The following LGSN variants were observed in gnomAD, a reference collection of about 807,000 sequenced individuals.
LGSN encodes the protein lengsin, lens protein with glutamine synthetase domain, also known as lengsin.
LGSN carries 21 observed loss-of-function variants against 19.5 expected under a neutral mutation model. That is an observed-to-expected ratio of 1.07 (90% CI 0.76 to 1.55). The LOEUF (loss-of-function observed/expected upper bound fraction) is 1.55. Among genes scored for constraint, LGSN ranks in the 40% most tolerant of loss-of-function variants. The probability of loss-of-function intolerance (pLI) is 0.00; values close to 1 mark genes in which losing one functional copy is unlikely to be tolerated. For missense variants in LGSN, 673 were observed against 608.5 expected (o/e 1.11, Z -1.12); for synonymous variants, 257 against 215.6 (o/e 1.19, Z -1.68).
At chr6:63,413,726 T>C in the LGSN span, among the ~76,000 whole-genome samples, 54 of 152,324 alleles carry the variant, frequency 3.5e-4, no homozygotes, top group African/African-American at 1.2e-3. Flanking sequence ...TTACTTCATA[T>C]AAAGGTAAAA....
At chr6:63,555,320 C>A in the LGSN span, among the ~76,000 whole-genome samples, 2 of 151,948 alleles carry the variant, frequency 1.3e-5, no homozygotes, top group Non-Finnish European at 2.9e-5. Flanking sequence ...CGGAGAGTTC[C>A]CTGGAAATTA....
the LGSN span, among the ~76,000 whole-genome samples, chr6:63,339,520 A>G: frequency 6.6e-6 from 1 of 152,150 alleles, no homozygotes; most frequent in Non-Finnish European, 1.5e-5. Flanking sequence ...TTCCATTTGC[A>G]TGGAATATTC....
the LGSN span, among the ~76,000 whole-genome samples, chr6:63,352,531 C>CA: frequency 6.6e-6 from 1 of 151,986 alleles, no homozygotes; most frequent in African/African-American, 2.4e-5. Flanking sequence ...TGTGGTGGTA[C>CA]ATGCCTGTGG....
rs1767216676 is a variant in LGSN, at chr6:63,279,797, A to G, written c.*224T>C. The G allele has an allele frequency of 7.1e-6, 3 of 422,048 alleles. No homozygotes were observed. The highest frequency in any genetic ancestry group is 3.5e-5 in the South Asian group (1 of 28,860). 26.1% of individuals were successfully genotyped at this position (422,048 alleles called of 1,614,324 possible). A position where few individuals can be genotyped will look rare whatever the true frequency, so the allele number is the denominator to read the frequency against. Reference sequence around the variant, plus strand: ...GACTGACAAGATCTGGTAAGTTTGCATATTATAGCTTCACCACAACTTTGT... The same window carrying G: ...GACTGACAAGATCTGGTAAGTTTGCGTATTATAGCTTCACCACAACTTTGT... On this transcript the variant is annotated 3_prime_UTR_variant, in exon 4 of 4. Transcript: ENST00000370657.
rs147867045 is a variant in LGSN, at chr6:63,294,933, G to A, written c.143C>T (p.Thr48Met). 9.5e-5 allele frequency: 154 copies of A among 1,613,782 alleles called. No individual in the cohort carries two copies. In the African/African-American group the frequency reaches 1.1e-3, roughly 11 times the overall value. ...PYVCSTEVGE[T>M]DMSNSNDCMR... ...GATACCATTTGAATTGGACATATCC[G>A]TTTCTCCCACTTCAGTTGAACAAAC... is the stretch of plus-strand genomic sequence containing the variant. Residue 48 changes from threonine to methionine, a missense_variant, in exon 2 of 4, where the codon ACG (threonine) becomes ATG (methionine). Physicochemically the swap from Thr to Met is moderately conservative, Grantham distance 81 (BLOSUM62 -1). Coordinates refer to ENST00000370657, the MANE Select transcript of LGSN (RefSeq NM_016571.3).
At chr6:63,450,800 G>A in the LGSN span, among the ~76,000 whole-genome samples, 1 of 151,792 alleles carries the variant, frequency 6.6e-6, no homozygotes, top group South Asian at 2.1e-4. Flanking sequence ...AGCCACCTGA[G>A]TAGCTGGGAC....
the LGSN span, among the ~76,000 whole-genome samples, chr6:63,412,567 AAAGG>A: frequency 8.6e-4 from 105 of 121,572 alleles, 1 homozygote; most frequent in South Asian, 3.8e-3. Flanking sequence ...AGAAAGAAAG[AAAGG>A]AAGGAAGGAA....
chr6:63,337,410 G>A, the LGSN span, among the ~76,000 whole-genome samples: 1 of 151,930 alleles, frequency 6.6e-6, no homozygotes, highest in Non-Finnish European at 1.5e-5. Context: ...TTGCGAGGTA[G>A]AGGTTACAGT....
At chr6:63,358,229 AC>A in the LGSN span, among the ~76,000 whole-genome samples, 1 of 152,226 alleles carries the variant, frequency 6.6e-6, no homozygotes, top group African/African-American at 2.4e-5. Context: ...TGTTTTGGTT[AC>A]TGTAGCCTTG....
the LGSN span, among the ~76,000 whole-genome samples, chr6:63,333,007 C>T: frequency 6.6e-6 from 1 of 151,976 alleles, no homozygotes; most frequent in Non-Finnish European, 1.5e-5. Context: ...AGTGAAGCTT[C>T]AGACCTTCAC....
Position 63,285,702 on chromosome 6 carries a change from C to A in LGSN, c.215G>T (p.Arg72Ile). The stretch of plus-strand genomic sequence containing the variant: ...CATGGCTTGTCTAATGTGTTTCATT[C>A]TAGAAGAGAGTTGAGGTGGGGTCAA... ...QILTPPQLSS[R>I]MKHIRQAMAK... The change falls in exon 3 of 4, where the codon AGA becomes ATA. Residue 72 changes from arginine (R) to isoleucine (I), a missense_variant. Arg to Ile is a moderately conservative substitution (Grantham distance 97). Transcript: ENST00000370657. The A allele has an allele frequency of 1.9e-6, 3 of 1,613,952 alleles. No homozygotes were observed. The highest frequency in any genetic ancestry group is 2.5e-6 in the Non-Finnish European group (3 of 1,179,972).
At chr6:63,526,063 G>A in the LGSN span, among the ~76,000 whole-genome samples, 2 of 152,120 alleles carry the variant, frequency 1.3e-5, no homozygotes, top group African/African-American at 2.4e-5. Flanking sequence ...AGTGGCTCAT[G>A]CCTGTAATCC....
the LGSN span, among the ~76,000 whole-genome samples, chr6:63,432,160 A>AGGAAGG: frequency 1.7e-4 from 17 of 99,996 alleles, 1 homozygote; most frequent in Non-Finnish European, 3.4e-4. Flanking sequence ...AAAGAAAGAA[A>AGGAAGG]GAAAGAAAGA....
the LGSN span, among the ~76,000 whole-genome samples, chr6:63,561,258 A>G: frequency 1.3e-5 from 2 of 152,194 alleles, no homozygotes; most frequent in South Asian, 2.1e-4. Context: ...CTGAGGCTGC[A>G]TGTCCTGATT....
the LGSN span, among the ~76,000 whole-genome samples, chr6:63,340,122 T>C: frequency 1.3e-5 from 2 of 152,290 alleles, no homozygotes; most frequent in East Asian, 1.9e-4. Flanking sequence ...ATAAGATATA[T>C]ACTGAGAAAT....
chr6:63,531,995 T>G, the LGSN span, among the ~76,000 whole-genome samples: 4 of 152,174 alleles, frequency 2.6e-5, no homozygotes, highest in African/African-American at 9.7e-5. Context: ...GAGACGGGGT[T>G]TCACCATCTT....
the LGSN span, among the ~76,000 whole-genome samples, chr6:63,328,348 G>A: frequency 6.6e-6 from 1 of 152,188 alleles, no homozygotes; most frequent in Admixed American, 6.5e-5. Flanking sequence ...CATCCTCTGG[G>A]AGAAAAGGGG....
upstream of LGSN, among the ~76,000 whole-genome samples, chr6:63,324,665 T>G (rs1769188948): frequency 6.6e-6 from 1 of 151,988 alleles, no homozygotes; most frequent in African/African-American, 2.4e-5. Flanking sequence ...TCCTGAATGG[T>G]CACTGGGTCA....
chr6:63,398,037 G>A, the LGSN span, among the ~76,000 whole-genome samples: 20 of 151,956 alleles, frequency 1.3e-4, no homozygotes, highest in Non-Finnish European at 1.6e-4. Flanking sequence ...CACATTACTC[G>A]CATGTTTGTA....
Sources: allele counts gnomAD v4.1 joint callset (sites outside exome capture counted in the v4.1 genomes callset), GRCh38; gene constraint gnomAD v4.1.1; transcripts MANE v1.5; gene names NCBI Gene and HGNC (gene_info 2026-07-23, HGNC 2026-07-21).